Variants in DLGAP4 observed in about 807,000 individuals in gnomAD.
The protein encoded by DLGAP4 is DLG associated protein 4.
A neutral mutation model predicts 86.9 loss-of-function variants in DLGAP4; 18 were observed. The observed-to-expected ratio is 0.21, with a 90% confidence interval of 0.14 to 0.31. The LOEUF is 0.31. Among genes scored for constraint, DLGAP4 ranks in the 10% least tolerant of loss-of-function variants. DLGAP4 has a pLI of 1.00. For synonymous variants in DLGAP4, 548 were observed against 574.3 expected (o/e 0.95, Z 0.65); for missense variants, 1,085 against 1,362.6 (o/e 0.80, Z 3.21).
At chr20:36,452,256 A>G (rs2033755237) in intron 7 of DLGAP4, among the ~76,000 whole-genome samples, 1 of 150,270 alleles carries the variant, frequency 6.7e-6, no homozygotes, top group South Asian at 2.1e-4. Flanking sequence ...ATAGCTCACC[A>G]TAGCCTCAAC....
rs1392001538 is a variant in DLGAP4, at chr20:36,500,279, A to G, written c.2180A>G (p.Lys727Arg). 6.2e-7 allele frequency: 1 copy of G among 1,613,506 alleles called. No homozygotes were observed. The highest frequency in any genetic ancestry group is 1.1e-5 in the South Asian group (1 of 90,980). ...CAGGATGCCAATGACTCAAGCTGTA[A>G]GTCATCTGAGAGGAGCCTCCCGGAC... ...DTQDANDSSC[K>R]SSERSLPDCT... Residue 727 changes from lysine to arginine, a missense_variant, in exon 10 of 13, where the codon AAG becomes AGG. Physicochemically the swap from Lys to Arg is conservative, Grantham distance 26. Around this residue, in one of 2 missense-constraint regions of DLGAP4, gnomAD observed 1,082 missense variants for 1,344.1 expected, o/e 0.81. Coordinates refer to ENST00000339266, the MANE Select transcript of DLGAP4 (RefSeq NM_001365621.2). The surrounding 1 kb of genome is among the most constrained non-coding windows in gnomAD (Gnocchi z 4.6).
chr20:36,515,700 C>A (rs987426037), intron 10 of DLGAP4, among the ~76,000 whole-genome samples: 2 of 152,214 alleles, frequency 1.3e-5, no homozygotes, highest in Admixed American at 6.5e-5. Flanking sequence ...GTTGGAATTA[C>A]AGGCGTGAGC....
At chr20:36,462,449 T>G in intron 7 of DLGAP4, 1 of 1,532,386 alleles carries the variant, frequency 6.5e-7, no homozygotes. Flanking sequence ...CTGGGGCCCT[T>G]GGCCCCCCCT....
chr20:36,344,372 C>T (rs59026977), intron 1 of DLGAP4, among the ~76,000 whole-genome samples: 144 of 152,328 alleles, frequency 9.5e-4, no homozygotes, highest in African/African-American at 3.3e-3. Flanking sequence ...CAAGCAAAGT[C>T]AGCCTCCCGA....
chr20:36,312,392 C>A lies in DLGAP4; in HGVS notation c.-304+5880C>A, dbSNP rs1380195694. Reference sequence around the variant, plus strand: ...GAACACACGCACACACACACACACACACACACACAGTGCAGCCGCCCCCCG... The same window carrying A: ...GAACACACGCACACACACACACACAAACACACACAGTGCAGCCGCCCCCCG... On this transcript the variant is annotated intron_variant, in intron 1 of 12. Transcript: ENST00000339266. Among the ~76,000 whole-genome samples, 6 of 148,584 alleles carry A rather than the reference C, an allele frequency of 4.0e-5. No individual in the cohort carries two copies. In the South Asian group the frequency reaches 8.3e-4, roughly 21 times the overall value.
At chr20:36,524,210 G>C (rs2037561737) in intron 10 of DLGAP4, 40 bp from the exon 11 acceptor site, 1 of 1,542,714 alleles carries the variant, frequency 6.5e-7, no homozygotes, top group Non-Finnish European at 9.0e-7. Flanking sequence ...CAAACCCTGT[G>C]CTGTGCTAAA....
At chr20:36,426,696 G>C (rs978616388) in intron 2 of DLGAP4, among the ~76,000 whole-genome samples, 1 of 152,078 alleles carries the variant, frequency 6.6e-6, no homozygotes, top group African/African-American at 2.4e-5. Context: ...TGAATTGCAC[G>C]CTTAAAGATG....
intron 2 of DLGAP4, among the ~76,000 whole-genome samples, chr20:36,407,689 C>T (rs2032365048): frequency 6.6e-6 from 1 of 151,996 alleles, no homozygotes; most frequent in South Asian, 2.1e-4. Context: ...TCAGGGAGGG[C>T]CTCTGGAGGA....
At chr20:36,441,885 T>C (rs192664996) in intron 5 of DLGAP4, among the ~76,000 whole-genome samples, 44 of 152,290 alleles carry the variant, frequency 2.9e-4, no homozygotes, top group Admixed American at 3.3e-4. Flanking sequence ...GACACCTTTG[T>C]CCTTTAACTA....
chr20:36,325,493 C>T (rs533019868), intron 1 of DLGAP4, among the ~76,000 whole-genome samples: 1 of 152,164 alleles, frequency 6.6e-6, no homozygotes, highest in Admixed American at 6.5e-5. Context: ...CTTCTGTATC[C>T]TTATTTATTT....
rs1175378484 is a variant in DLGAP4 at position 36,346,246 on chromosome 20, C to T, written c.-303-20799C>T. On this transcript the variant is annotated intron_variant, in intron 1 of 12. Coordinates refer to ENST00000339266, the MANE Select transcript of DLGAP4 (RefSeq NM_001365621.2). ...CGGCTGTGGGTACCCCATGCTTGTC[C>T]GTGGCTCTGGCACTATTGTGGCTGC... Among the ~76,000 whole-genome samples, 2 of 152,292 alleles carry T rather than the reference C, an allele frequency of 1.3e-5. 1 individual carries two copies. The highest frequency in any genetic ancestry group is 4.1e-4 in the South Asian group (2 of 4,826).
At chr20:36,435,089 T>C (rs1327931541) in intron 3 of DLGAP4, among the ~76,000 whole-genome samples, 1 of 151,090 alleles carries the variant, frequency 6.6e-6, no homozygotes, top group Non-Finnish European at 1.5e-5. Flanking sequence ...GGGGGGGGGT[T>C]GCTGTGACAA....
intron 4 of DLGAP4, among the ~76,000 whole-genome samples, chr20:36,438,027 C>T (rs1457900997): frequency 6.6e-6 from 1 of 152,144 alleles, no homozygotes; most frequent in Non-Finnish European, 1.5e-5. Context: ...CCTCAGCATC[C>T]CGAGTAGCTG....
intron 10 of DLGAP4, chr20:36,508,108 C>T (rs1361279269): frequency 1.3e-5 from 2 of 152,194 alleles, no homozygotes; most frequent in East Asian, 1.9e-4. Context: ...ACAAGCAAGT[C>T]ACAAGCCCAA....
rs764343744 is a variant in DLGAP4, at chr20:36,500,326, A to G, written c.2227A>G (p.Ile743Val). The change falls in exon 10 of 13, where the codon ATC (isoleucine) becomes GTC (valine). Residue 743 changes from isoleucine (I) to valine (V), a missense_variant. Ile to Val is a conservative substitution (Grantham distance 29, BLOSUM62 3). This residue lies in a region of DLGAP4 where 1,082 missense variants were observed against 1,344.1 expected (regional missense o/e 0.81). Transcript: ENST00000339266. This position sits in a 1 kb window ranked among gnomAD's most constrained non-coding sequence, Gnocchi z 4.6. Reference protein sequence around the residue: ...LPDCTPHPNSISIDAGPRQAP... With the variant: ...LPDCTPHPNSVSIDAGPRQAP... ...GGACTGTACCCCTCACCCCAACTCC[A>G]TCAGCATCGATGCCGGTCCCCGGCA... 9 of 1,613,798 alleles carry G rather than the reference A, an allele frequency of 5.6e-6. No individual in the cohort carries two copies. In the Admixed American group the frequency reaches 1.2e-4, roughly 21 times the overall value.
chr20:36,465,179 A>T (rs1402016845), intron 7 of DLGAP4: 1 of 88,864 alleles, frequency 1.1e-5, no homozygotes, highest in African/African-American at 4.3e-5. Flanking sequence ...CCACCCCCGC[A>T]TGCCCTGTGG....
chr20:36,401,242 G>A (rs2147483412), intron 2 of DLGAP4, among the ~76,000 whole-genome samples: 1 of 152,328 alleles, frequency 6.6e-6, no homozygotes, highest in East Asian at 1.9e-4. Flanking sequence ...GATTTCATAG[G>A]CACATGAGAA....
intron 1 of DLGAP4, among the ~76,000 whole-genome samples, chr20:36,364,763 G>A (rs1384228833): frequency 1.3e-5 from 2 of 152,110 alleles, no homozygotes; most frequent in South Asian, 2.1e-4. Flanking sequence ...CAGATGGCCC[G>A]GACCCAAGAG....
chr20:36,361,427 TG>T (rs1600434108), intron 1 of DLGAP4, among the ~76,000 whole-genome samples: 1 of 152,254 alleles, frequency 6.6e-6, no homozygotes, highest in East Asian at 1.9e-4. Flanking sequence ...TGAAAAGCTT[TG>T]TTTGGTTTGT....
Sources: allele counts gnomAD v4.1 joint callset (sites outside exome capture counted in the v4.1 genomes callset), GRCh38; gene constraint gnomAD v4.1.1; regional missense constraint gnomAD v4.1.1; non-coding constraint Gnocchi (gnomAD v3.1); transcripts MANE v1.5; gene names NCBI Gene and HGNC (gene_info 2026-07-23, HGNC 2026-07-21).